Variants in CNBD1 observed in about 807,000 individuals in gnomAD.
CNBD1 encodes cyclic nucleotide binding domain containing 1, also known as cyclic nucleotide-binding domain-containing protein 1.
Under a neutral mutation model 54.4 loss-of-function variants are expected in CNBD1, and 71 were observed. That is an observed-to-expected ratio of 1.30 (90% CI 1.08 to 1.59). CNBD1 has a LOEUF of 1.59. Among genes scored for constraint, CNBD1 ranks in the 40% most tolerant of loss-of-function variants. The probability of loss-of-function intolerance (pLI) is 0.00; values close to 1 mark genes in which losing one functional copy is unlikely to be tolerated. For missense variants in CNBD1, 659 were observed against 518.0 expected (o/e 1.27, Z -2.64); for synonymous variants, 182 against 170.7 (o/e 1.07, Z -0.51).
chr8:87,195,142 C>G (rs1241512297), intron 4 of CNBD1, among the ~76,000 whole-genome samples: 1 of 151,938 alleles, frequency 6.6e-6, no homozygotes. Context: ...CTCAGCATCC[C>G]AAAGTCCTGG....
chr8:87,044,213 T>G lies in CNBD1; in HGVS notation c.431+104459T>G, dbSNP rs370967714. Among the ~76,000 whole-genome samples, 75 of 146,410 alleles carry G rather than the reference T, an allele frequency of 5.1e-4. 1 individual carries two copies. Among genetic ancestry groups the G allele is most frequent in the African/African-American group, 1.6e-3 (62 of 38,952 alleles). On this transcript the variant is annotated intron_variant, in intron 4 of 10. Transcript: ENST00000518476. ...TCACATGATCATATGTTTTTGTGGGTTTTTTTTTTGTTTTTTTGCAAAAGT... is the reference window on the plus strand; with the variant it reads ...TCACATGATCATATGTTTTTGTGGGGTTTTTTTTTGTTTTTTTGCAAAAGT...
chr8:87,196,368 A>C lies in CNBD1; in HGVS notation c.432-9625A>C, dbSNP rs1039013985. Reference sequence around the variant, plus strand: ...TAGAGATTGTTAGAAAGATTAGATAAGTTGCAGAAAAATGCAAAAGCTCCC... The same window carrying C: ...TAGAGATTGTTAGAAAGATTAGATACGTTGCAGAAAAATGCAAAAGCTCCC... On this transcript the variant is annotated intron_variant, in intron 4 of 10. Transcript: ENST00000518476. Among the ~76,000 whole-genome samples, 3 of 152,194 alleles carry C rather than the reference A, an allele frequency of 2.0e-5. No individual in the cohort carries two copies. The South Asian group carries it at 6.2e-4, about 32-fold the overall frequency.
intron 4 of CNBD1, among the ~76,000 whole-genome samples, chr8:87,138,457 G>A (rs1812304359): frequency 6.6e-6 from 1 of 152,174 alleles, no homozygotes; most frequent in Non-Finnish European, 1.5e-5. Flanking sequence ...TCATTTATGG[G>A]TAACTTCTCT....
intron 5 of CNBD1, among the ~76,000 whole-genome samples, chr8:87,233,672 T>C (rs1043162823): frequency 6.6e-6 from 1 of 152,048 alleles, no homozygotes; most frequent in African/African-American, 2.4e-5. Flanking sequence ...TCTTGTTGTT[T>C]TTGCCAAGGC....
At chr8:87,018,910 T>C (rs1396171494) in intron 4 of CNBD1, among the ~76,000 whole-genome samples, 2 of 152,186 alleles carry the variant, frequency 1.3e-5, no homozygotes, top group African/African-American at 4.8e-5. Context: ...TAAAACAATT[T>C]GGTTGCCTTT....
intron 4 of CNBD1, among the ~76,000 whole-genome samples, chr8:87,046,084 C>T (rs1810184681): frequency 6.6e-6 from 1 of 151,582 alleles, no homozygotes; most frequent in South Asian, 2.1e-4. Context: ...CAGGTGCCCC[C>T]CTACTTTGGC....
chr8:87,120,866 T>G (rs1367041252), intron 4 of CNBD1, among the ~76,000 whole-genome samples: 1 of 151,980 alleles, frequency 6.6e-6, no homozygotes, highest in East Asian at 1.9e-4. Flanking sequence ...TCTATTTTTG[T>G]TTTTGTTTTG....
intron 10 of CNBD1, among the ~76,000 whole-genome samples, chr8:87,367,005 C>G (rs1810655115): frequency 6.6e-6 from 1 of 152,058 alleles, no homozygotes; most frequent in South Asian, 2.1e-4. Flanking sequence ...ACATTTTCCT[C>G]CCTGGGAATC....
In CNBD1 at chr8:87,304,205, T is replaced by C. The variant is rs566066692; in HGVS notation, c.1042+17534T>C. Among the ~76,000 whole-genome samples, 477 of 152,034 alleles carry C rather than the reference T, an allele frequency of 3.1e-3. 2 individuals carry two copies. Among genetic ancestry groups the C allele is most frequent in the African/African-American group, 0.011 (450 of 41,476 alleles). On this transcript the variant is annotated intron_variant, in intron 8 of 10. Coordinates refer to ENST00000518476, the MANE Select transcript of CNBD1 (RefSeq NM_173538.3). ...TGCACACGTATGTTTATTGCGGCAC[T>C]ATTCACAATAGCAAAGACTTGGAAC...
chr8:87,247,676 C>A (rs1456254639), intron 6 of CNBD1, among the ~76,000 whole-genome samples: 1 of 152,070 alleles, frequency 6.6e-6, no homozygotes, highest in Non-Finnish European at 1.5e-5. Flanking sequence ...AAACTCTGGC[C>A]AGTGATCTAC....
chr8:87,337,078 C>T (rs1420631529), intron 8 of CNBD1, among the ~76,000 whole-genome samples: 4 of 152,136 alleles, frequency 2.6e-5, no homozygotes, highest in Non-Finnish European at 5.9e-5. Context: ...CTGCTCCTTC[C>T]TCTGCGATCT....
At chr8:86,904,479 TAA>T (rs1808986252) in intron 2 of CNBD1, among the ~76,000 whole-genome samples, 2 of 152,024 alleles carry the variant, frequency 1.3e-5, no homozygotes, top group African/African-American at 4.8e-5. Context: ...TAGCTACATA[TAA>T]GAGTCATCCT....
rs1215334700 is a variant in CNBD1, at chr8:86,955,102, C to T, written c.431+15348C>T. 4.0e-5 allele frequency among the ~76,000 whole-genome samples: 6 copies of T among 151,802 alleles called. No individual in the cohort carries two copies. The East Asian group carries it at 5.8e-4, about 15-fold the overall frequency. On this transcript the variant is annotated intron_variant, in intron 4 of 10. Transcript: ENST00000518476. ...TGCGGTGTTTGGTGTTCTGTCCTTG[C>T]AATAGTTTGCTGAGAATGATGGTTT...
chr8:87,244,437 G>T (rs1397902672), intron 6 of CNBD1, among the ~76,000 whole-genome samples: 1 of 152,100 alleles, frequency 6.6e-6, no homozygotes, highest in Admixed American at 6.6e-5. Context: ...ATGCAATTTT[G>T]TTATAAGTAT....
At chr8:86,957,045 G>A (rs1019344667) in intron 4 of CNBD1, among the ~76,000 whole-genome samples, 16 of 152,186 alleles carry the variant, frequency 1.1e-4, no homozygotes, top group African/African-American at 3.9e-4. Flanking sequence ...ATGAAGGGCT[G>A]TTGAATTTCA....
chr8:87,012,660 G>T (rs967062226), intron 4 of CNBD1, among the ~76,000 whole-genome samples: 2 of 152,078 alleles, frequency 1.3e-5, no homozygotes, highest in Non-Finnish European at 2.9e-5. Context: ...TGCTATCTAA[G>T]AGCTTCCTCT....
At chr8:87,356,183 C>T (rs548316840) in intron 10 of CNBD1, among the ~76,000 whole-genome samples, 1 of 152,162 alleles carries the variant, frequency 6.6e-6, no homozygotes, top group South Asian at 2.1e-4. Flanking sequence ...AATGACAACA[C>T]AAAACTAATA....
Position 87,225,612 on chromosome 8 carries a change from C to G in CNBD1, c.578-11307C>G, listed in dbSNP as rs192088146. On this transcript the variant is annotated intron_variant, in intron 5 of 10. Transcript: ENST00000518476. The stretch of plus-strand genomic sequence containing the variant: ...AGCCCACTTGATCATGGTGGATAAG[C>G]TTTTTGAGGTGCTGCTGGATTCGGT... Among the ~76,000 whole-genome samples, 783 of 152,196 alleles carry G rather than the reference C, an allele frequency of 5.1e-3. 5 individuals carry two copies. The highest frequency in any genetic ancestry group is 7.3e-3 in the Non-Finnish European group (497 of 68,018).
In CNBD1 at chr8:87,264,764, T is replaced by G. The variant is rs117017019; in HGVS notation, c.772-19914T>G. On this transcript the variant is annotated intron_variant, in intron 6 of 10. Transcript: ENST00000518476. ...CTGATGACTAGTGATGATGAGCATTTTTTTCCTGTGTCTGTCAGCTGCATA... is the reference window on the plus strand; with the variant it reads ...CTGATGACTAGTGATGATGAGCATTGTTTTCCTGTGTCTGTCAGCTGCATA... Among the ~76,000 whole-genome samples, 6 of 152,330 alleles carry G rather than the reference T, an allele frequency of 3.9e-5. No homozygotes were observed. The East Asian group carries it at 1.2e-3, about 29-fold the overall frequency.
Sources: gnomAD v4.1 joint callset for allele counts (sites outside exome capture counted in the v4.1 genomes callset) on GRCh38, gnomAD v4.1.1 for gene constraint, MANE v1.5 for transcripts, NCBI Gene and HGNC (gene_info 2026-07-23, HGNC 2026-07-21) for gene names.